SAMHD1: variants seen among roughly 807,000 people sequenced by gnomAD.
SAMHD1 encodes the protein deoxynucleoside triphosphate triphosphohydrolase SAMHD1.
In SAMHD1, 54 loss-of-function variants were observed where a neutral mutation model predicts 79.6. The ratio of observed to expected loss-of-function variants is 0.68; its 90% confidence interval spans 0.55 to 0.85. The LOEUF (loss-of-function observed/expected upper bound fraction) is 0.85, where lower values mean the gene tolerates loss of function less well. Ranked by LOEUF, SAMHD1 falls within the 40% of genes least tolerant of loss-of-function variation. The pLI, the probability that SAMHD1 is intolerant of heterozygous loss-of-function variation, is 0.00. For missense variants in SAMHD1, 663 were observed against 782.7 expected (o/e 0.85, Z 1.82); for synonymous variants, 260 against 264.1 (o/e 0.98, Z 0.15).
At chr20:36,951,014 T>TA (rs200514877) in intron 1 of SAMHD1, among the ~76,000 whole-genome samples, 13 of 151,454 alleles carry the variant, frequency 8.6e-5, no homozygotes, top group African/African-American at 1.5e-4. Context: ...TCCTTCTAAC[T>TA]AAAAAAAAGG....
At chr20:36,895,623 G>A (rs542532339) in intron 15 of SAMHD1, among the ~76,000 whole-genome samples, 9 of 152,146 alleles carry the variant, frequency 5.9e-5, no homozygotes, top group South Asian at 2.1e-4. Flanking sequence ...TACTCACTCC[G>A]TGAGTGAATG....
chr20:36,942,353 G>C lies in SAMHD1; in HGVS notation c.276-1242C>G, dbSNP rs915238384. 1.4e-4 allele frequency among the ~76,000 whole-genome samples: 21 copies of C among 152,262 alleles called. No homozygotes were observed. In the East Asian group the frequency reaches 3.7e-3, roughly 27 times the overall value. ...GAATTGCTTGAACCCGGGAGGCGGAGATTGCGGTGAGCCGAGATGGCGCCA... is the reference window on the plus strand; with the variant it reads ...GAATTGCTTGAACCCGGGAGGCGGACATTGCGGTGAGCCGAGATGGCGCCA... On this transcript the variant is annotated intron_variant, in intron 2 of 15. Coordinates refer to ENST00000646673, the MANE Select transcript of SAMHD1 (RefSeq NM_015474.4).
rs868732865 is a variant in SAMHD1, at chr20:36,900,009, G to A, written c.1504-1465C>T. ...CTCAGGAGGCTGAGGCAGGAGAATC[G>A]CTTGAACCCAGGAGCTGGAGGTTGC... On this transcript the variant is annotated intron_variant, in intron 13 of 15. Transcript: ENST00000646673. Among the ~76,000 whole-genome samples, 5 of 151,084 alleles carry A rather than the reference G, an allele frequency of 3.3e-5. No individual in the cohort carries two copies. The East Asian group carries it at 6.0e-4, about 18-fold the overall frequency.
intron 3 of SAMHD1, among the ~76,000 whole-genome samples, chr20:36,935,571 AT>A (rs35043095): frequency 0.13 from 18,174 of 142,694 alleles, 1,063 homozygotes; most frequent in Middle Eastern, 0.22. Context: ...ATTATGTCTA[AT>A]TTTTTTTTTT....
intron 9 of SAMHD1, among the ~76,000 whole-genome samples, chr20:36,915,347 CA>C (rs1290023998): frequency 6.6e-6 from 1 of 151,948 alleles, no homozygotes; most frequent in Non-Finnish European, 1.5e-5. Flanking sequence ...GGAAAGAAAA[CA>C]AAAAACATAC....
rs757367080 is a variant in SAMHD1 at position 36,935,174 on chromosome 20, T to C, written c.364A>G (p.Ile122Val). The change falls in exon 4 of 16, where the codon ATC (isoleucine) becomes GTC (valine). Residue 122 changes from isoleucine to valine, a missense_variant. Coordinates refer to ENST00000646673, the MANE Select transcript of SAMHD1 (RefSeq NM_015474.4). ...GGGTGGAGCTCAATGTGGCCATGGA[T>C]AGGATCATTAATTACCTAGAAAATT... ...VDTMKVINDP[I>V]HGHIELHPLL... The C allele has an allele frequency of 2.9e-5, 47 of 1,613,060 alleles. No individual in the cohort carries two copies. In the South Asian group the frequency reaches 4.9e-4, roughly 17 times the overall value.
At chr20:36,902,882 C>T (rs918940068) in intron 13 of SAMHD1, among the ~76,000 whole-genome samples, 2 of 151,710 alleles carry the variant, frequency 1.3e-5, no homozygotes, top group Non-Finnish European at 2.9e-5. Context: ...GGATTATAGG[C>T]GCGCACCACC....
intron 7 of SAMHD1, among the ~76,000 whole-genome samples, chr20:36,918,472 T>A (rs116789513): frequency 0.07 from 10,661 of 151,546 alleles, 436 homozygotes; most frequent in South Asian, 0.086. Flanking sequence ...AAATTTTTTT[T>A]AATGAATAAA....
At chr20:36,945,608 C>T (rs1329470906) in intron 2 of SAMHD1, among the ~76,000 whole-genome samples, 7 of 152,180 alleles carry the variant, frequency 4.6e-5, no homozygotes, top group Admixed American at 6.5e-5. Context: ...AGGCCACACA[C>T]GGTGGCTTAT....
intron 9 of SAMHD1, among the ~76,000 whole-genome samples, chr20:36,913,185 G>C (rs939774187): frequency 9.3e-5 from 14 of 150,628 alleles, no homozygotes; most frequent in African/African-American, 3.4e-4. Flanking sequence ...TTTTAGTAGA[G>C]ATGGAGTTTC....
chr20:36,933,210 C>T (rs1443863264), intron 4 of SAMHD1, among the ~76,000 whole-genome samples: 1 of 152,308 alleles, frequency 6.6e-6, no homozygotes, highest in Non-Finnish European at 1.5e-5. Context: ...ACTGTGAGTA[C>T]TTCATGAAAA....
chr20:36,929,558 A>G (rs946653579), intron 5 of SAMHD1, among the ~76,000 whole-genome samples: 1 of 151,944 alleles, frequency 6.6e-6, no homozygotes, highest in African/African-American at 2.4e-5. Flanking sequence ...AACATGATGA[A>G]ACTGCATCTC....
intron 12 of SAMHD1, chr20:36,904,698 C>G (rs1568762706): frequency 5.3e-6 from 1 of 188,232 alleles, no homozygotes. Context: ...ACCTGGGTGA[C>G]AGAGCGAGAC....
intron 9 of SAMHD1, among the ~76,000 whole-genome samples, chr20:36,912,884 T>C (rs2063451712): frequency 7.8e-6 from 1 of 129,032 alleles, no homozygotes; most frequent in Non-Finnish European, 1.6e-5. Flanking sequence ...TAACTTTCAT[T>C]CTTTGTTTTT....
At chr20:36,918,903 A>G (rs1467405447) in intron 7 of SAMHD1, among the ~76,000 whole-genome samples, 2 of 152,026 alleles carry the variant, frequency 1.3e-5, no homozygotes, top group African/African-American at 4.8e-5. Flanking sequence ...TCAGAGGCAG[A>G]GCTGGGCAGA....
chr20:36,945,761 C>T (rs1206419092), intron 2 of SAMHD1, among the ~76,000 whole-genome samples: 3 of 150,130 alleles, frequency 2.0e-5, no homozygotes, highest in African/African-American at 7.4e-5. Context: ...AAATACAAAA[C>T]TTAGCTGGGC....
chr20:36,893,847 C>T, intron 15 of SAMHD1: 1 of 398,636 alleles, frequency 2.5e-6, no homozygotes, highest in East Asian at 3.6e-5. Context: ...CTCACAGGAG[C>T]TACTCCGGTA....
At chr20:36,936,610 T>C (rs1474215111) in intron 3 of SAMHD1, among the ~76,000 whole-genome samples, 1 of 152,018 alleles carries the variant, frequency 6.6e-6, no homozygotes, top group African/African-American at 2.4e-5. Flanking sequence ...CTGGCTAAAA[T>C]CTACTTTTAA....
chr20:36,935,340 C>G (rs1195540906), intron 3 of SAMHD1, 151 bp from the exon 4 acceptor site: 8 of 683,542 alleles, frequency 1.2e-5, no homozygotes, highest in Middle Eastern at 3.9e-4. Flanking sequence ...AACATCATTA[C>G]CTTATTTAGG....
Sources: allele counts gnomAD v4.1 joint callset (sites outside exome capture counted in the v4.1 genomes callset), GRCh38; gene constraint gnomAD v4.1.1; transcripts MANE v1.5; gene names NCBI Gene and HGNC (gene_info 2026-07-23, HGNC 2026-07-21).